CFAP54: variants seen among roughly 807,000 people sequenced by gnomAD.
The protein encoded by CFAP54 is cilia- and flagella-associated protein 54.
In CFAP54, 290 loss-of-function variants were observed where a neutral mutation model predicts 370.4. The observed-to-expected ratio is 0.78, with a 90% CI of 0.71 to 0.86. The LOEUF is 0.86. Ranked by LOEUF, CFAP54 falls within the 40% of genes least tolerant of loss-of-function variation. CFAP54 has a pLI of 0.00. For synonymous variants in CFAP54, 1,206 were observed against 1,236.5 expected (o/e 0.98, Z 0.52); for missense variants, 3,399 against 3,528.7 (o/e 0.96, Z 0.93).
intron 6 of CFAP54, among the ~76,000 whole-genome samples, chr12:96,521,503 CGTG>C (rs1340662474): frequency 3.1e-5 from 4 of 129,580 alleles, no homozygotes; most frequent in Non-Finnish European, 3.3e-5. Context: ...CAACTGAGGA[CGTG>C]TGTGTGTGTG....
At chr12:96,539,805 T>C (rs1214211391) in intron 13 of CFAP54, among the ~76,000 whole-genome samples, 1 of 152,062 alleles carries the variant, frequency 6.6e-6, no homozygotes, top group Non-Finnish European at 1.5e-5. Flanking sequence ...CCCCCTGCAA[T>C]AATATATTTA....
At chr12:96,545,863 C>A (rs1295399749) in intron 14 of CFAP54, among the ~76,000 whole-genome samples, 1 of 152,194 alleles carries the variant, frequency 6.6e-6, no homozygotes, top group Non-Finnish European at 1.5e-5. Flanking sequence ...GATAGCTGAG[C>A]ACTTGGAGGT....
intron 26 of CFAP54, among the ~76,000 whole-genome samples, chr12:96,614,131 G>A (rs1170262795): frequency 2.6e-5 from 4 of 152,154 alleles, no homozygotes; most frequent in African/African-American, 9.6e-5. Context: ...GCTGGCAAAC[G>A]GAATCCAGCA....
chr12:96,798,554 G>T (rs1958789360), intron 63 of CFAP54, among the ~76,000 whole-genome samples: 1 of 151,932 alleles, frequency 6.6e-6, no homozygotes, highest in African/African-American at 2.4e-5. Context: ...TACTGAGAAT[G>T]GTCTTCTTTT....
chr12:96,614,816 C>T (rs1417677835), intron 26 of CFAP54, among the ~76,000 whole-genome samples: 1 of 152,026 alleles, frequency 6.6e-6, no homozygotes, highest in Non-Finnish European at 1.5e-5. Context: ...ATGTGAAGGA[C>T]CTCTTCAAGG....
At chr12:96,527,621 C>T (rs1399379800) in intron 9 of CFAP54, among the ~76,000 whole-genome samples, 177 bp downstream of exon 9, 4 of 151,396 alleles carry the variant, frequency 2.6e-5, no homozygotes, top group Non-Finnish European at 4.4e-5. Context: ...GACTGGAGTG[C>T]AGTGGCGTGA....
chr12:96,512,301 T>TA lies in CFAP54; in HGVS notation c.740-685_740-684insA, dbSNP rs1955178631. Among the ~76,000 whole-genome samples, 47 of 31,130 alleles carry TA rather than the reference T, an allele frequency of 1.5e-3. 1 individual carries two copies. The highest frequency in any genetic ancestry group is 4.1e-3 in the African/African-American group (36 of 8,812). 20.4% of individuals were successfully genotyped at this position (31,130 alleles called of 152,430 possible). Reference sequence around the variant, plus strand: ...GATAAGGAAACCATGGGAACCAATTTTATATATATATATATATATATATAT... The same window carrying TA: ...GATAAGGAAACCATGGGAACCAATTTATATATATATATATATATATATATAT... On this transcript the variant is annotated intron_variant, in intron 4 of 67. Coordinates refer to ENST00000524981, the MANE Select transcript of CFAP54 (RefSeq NM_001306084.2).
intron 40 of CFAP54, among the ~76,000 whole-genome samples, chr12:96,681,462 G>T (rs951587748): frequency 2.0e-5 from 3 of 149,316 alleles, no homozygotes; most frequent in African/African-American, 7.4e-5. Flanking sequence ...ACACCTTACT[G>T]TTGGAAGCTA....
At position 96,740,466 on chromosome 12, in the gene CFAP54, T is replaced by A. The variant is rs141180090; in HGVS notation, c.7071+405T>A. Reference sequence around the variant, plus strand: ...ACCTGGGCTGTTTCCTGCTTTGGATTCCTCATAGTTAGAATCTTGCATTCA... The same window carrying A: ...ACCTGGGCTGTTTCCTGCTTTGGATACCTCATAGTTAGAATCTTGCATTCA... On this transcript the variant is annotated intron_variant, in intron 51 of 67. Transcript: ENST00000524981. 9.8e-5 allele frequency among the ~76,000 whole-genome samples: 15 copies of A among 152,356 alleles called. 1 individual carries two copies. The highest frequency in any genetic ancestry group is 3.6e-4 in the African/African-American group (15 of 41,582).
At chr12:96,788,965 A>G (rs147445122) in intron 62 of CFAP54, among the ~76,000 whole-genome samples, 2 of 152,216 alleles carry the variant, frequency 1.3e-5, no homozygotes, top group South Asian at 4.1e-4. Flanking sequence ...AGGAAATAAG[A>G]GAAAAGAGTA....
intron 58 of CFAP54, among the ~76,000 whole-genome samples, chr12:96,760,549 C>G (rs1364323988): frequency 6.6e-6 from 1 of 152,106 alleles, no homozygotes; most frequent in Non-Finnish European, 1.5e-5. Context: ...TTAAGTTTTT[C>G]TGAGACAGAG....
At chr12:96,819,444 T>C (rs1177964752) in intron 65 of CFAP54, among the ~76,000 whole-genome samples, 1 of 152,240 alleles carries the variant, frequency 6.6e-6, no homozygotes, top group African/African-American at 2.4e-5. Context: ...GACAAAATGA[T>C]GAATCATGCT....
intron 65 of CFAP54, among the ~76,000 whole-genome samples, chr12:96,827,174 A>AATTATATGTGATTATATATAG (rs1959127687): frequency 8.7e-5 from 1 of 11,540 alleles, no homozygotes; most frequent in African/African-American, 1.1e-3. Flanking sequence ...ATTATATATA[A>AATTATATGTGATTATATATAG]TGTGCAGTTA....
At chr12:96,804,998 G>A (rs1958862630) in intron 63 of CFAP54, among the ~76,000 whole-genome samples, 1 of 152,050 alleles carries the variant, frequency 6.6e-6, no homozygotes, top group African/African-American at 2.4e-5. Context: ...CTAAGGAAAG[G>A]ACACCCTGTT....
intron 66 of CFAP54, among the ~76,000 whole-genome samples, chr12:96,849,526 G>A (rs535993665): frequency 3.3e-5 from 5 of 152,280 alleles, no homozygotes; most frequent in Non-Finnish European, 5.9e-5. Context: ...GAGAAAAATC[G>A]TAGATTCTTT....
At chr12:96,712,267 A>G (rs545743342) in intron 48 of CFAP54, among the ~76,000 whole-genome samples, 1 of 152,192 alleles carries the variant, frequency 6.6e-6, no homozygotes, top group South Asian at 2.1e-4. Context: ...GTAAGTTTAG[A>G]TGAATAGCTA....
At chr12:96,852,610 G>A (rs1029777185) in intron 66 of CFAP54, among the ~76,000 whole-genome samples, 6 of 152,074 alleles carry the variant, frequency 3.9e-5, no homozygotes, top group African/African-American at 9.7e-5. Flanking sequence ...TGTTAGCAAA[G>A]CTTTCATAAA....
intron 36 of CFAP54, among the ~76,000 whole-genome samples, chr12:96,652,411 GT>G (rs1956871095): frequency 6.6e-6 from 1 of 152,152 alleles, no homozygotes; most frequent in South Asian, 2.1e-4. Flanking sequence ...AATTATTAAG[GT>G]TTTTACACTT....
At chr12:96,716,712 C>G (rs150279544) in intron 48 of CFAP54, among the ~76,000 whole-genome samples, 57 of 152,294 alleles carry the variant, frequency 3.7e-4, no homozygotes, top group African/African-American at 1.3e-3. Context: ...CTGCTCTGAC[C>G]TTGCCTAGAA....
Sources: allele counts gnomAD v4.1 joint callset (sites outside exome capture counted in the v4.1 genomes callset), GRCh38; gene constraint gnomAD v4.1.1; transcripts MANE v1.5; gene names NCBI Gene and HGNC (gene_info 2026-07-23, HGNC 2026-07-21).